Variants in ZNF675 observed in about 807,000 individuals in gnomAD.
The protein encoded by ZNF675 is TRAF6 inhibitory zinc finger.
ZNF675 carries 36 observed loss-of-function variants against 56.1 expected under a neutral mutation model. The observed-to-expected ratio is 0.64, with a 90% CI of 0.49 to 0.85. The LOEUF (loss-of-function observed/expected upper bound fraction) is 0.85, where lower values mean the gene tolerates loss of function less well. Among genes scored for constraint, ZNF675 ranks in the 40% least tolerant of loss-of-function variants. ZNF675 has a pLI of 0.00. For missense variants in ZNF675, 663 were observed against 654.2 expected (o/e 1.01, Z -0.15); for synonymous variants, 200 against 218.9 (o/e 0.91, Z 0.76).
chr19:23,661,477 G>GGCAA, intron 3 of ZNF675, among the ~76,000 whole-genome samples: 1 of 151,734 alleles, frequency 6.6e-6, no homozygotes, highest in African/African-American at 2.4e-5. Context: ...AATGACCTGA[G>GGCAA]GGCAGGAGTT....
At chr19:23,661,171 T>TTTATCTCTG (rs985413880) in intron 3 of ZNF675, among the ~76,000 whole-genome samples, 4 of 152,002 alleles carry the variant, frequency 2.6e-5, no homozygotes, top group African/African-American at 9.7e-5. Flanking sequence ...AAAAGAAAGA[T>TTTATCTCTG]TTATCTCTGT....
At chr19:23,657,962 A>C (rs1968009793) in intron 3 of ZNF675, among the ~76,000 whole-genome samples, 1 of 152,150 alleles carries the variant, frequency 6.6e-6, no homozygotes, top group Non-Finnish European at 1.5e-5. Context: ...AAAAACAATA[A>C]ACAGATGTCA....
At position 23,653,137 on chromosome 19, in the gene ZNF675, C is replaced by A; in HGVS notation, c.*89G>T. The stretch of plus-strand genomic sequence containing the variant: ...ATGAAGTGTGAAAACCATTTAAAGT[C>A]TTTGACACATTCTTTACATTTCTAG... On this transcript the variant is annotated 3_prime_UTR_variant, in exon 4 of 4. Transcript: ENST00000359788. 8.1e-7 allele frequency: 1 copy of A among 1,239,254 alleles called. No homozygotes were observed. Among genetic ancestry groups the A allele is most frequent in the East Asian group, 2.4e-5 (1 of 42,126 alleles). 76.8% of individuals were successfully genotyped at this position (1,239,254 alleles called of 1,614,324 possible). A position where few individuals can be genotyped will look rare whatever the true frequency, so the allele number is the denominator to read the frequency against.
chr19:23,685,165 A>G (rs1412383284), intron 1 of ZNF675, among the ~76,000 whole-genome samples: 2 of 152,128 alleles, frequency 1.3e-5, no homozygotes, highest in African/African-American at 4.8e-5. Flanking sequence ...GGGTTTCACC[A>G]TGTTAGTCAG....
intron 1 of ZNF675, among the ~76,000 whole-genome samples, chr19:23,666,812 C>T (rs1382320165): frequency 6.6e-6 from 1 of 151,248 alleles, no homozygotes; most frequent in Non-Finnish European, 1.5e-5. Flanking sequence ...CTCCTCCCCT[C>T]CCCCCAACCC....
Position 23,665,698 on chromosome 19 carries a change from C to G in ZNF675, c.4-2540G>C, listed in dbSNP as rs188116616. On this transcript the variant is annotated intron_variant, in intron 1 of 3. Coordinates refer to ENST00000359788, the MANE Select transcript of ZNF675 (RefSeq NM_138330.3). Reference sequence around the variant, plus strand: ...ATTTTAAGTAGAGGCAGGGTTTCACCATGTCGGTCAGGCTGGTCTCAAACT... The same window carrying G: ...ATTTTAAGTAGAGGCAGGGTTTCACGATGTCGGTCAGGCTGGTCTCAAACT... Among the ~76,000 whole-genome samples, 28 of 152,182 alleles carry G rather than the reference C, an allele frequency of 1.8e-4. No homozygotes were observed. In the East Asian group the frequency reaches 5.1e-3, roughly 28 times the overall value.
chr19:23,686,842 G>A (rs1462141742), intron 1 of ZNF675, among the ~76,000 whole-genome samples, 189 bp downstream of exon 1: 1 of 152,204 alleles, frequency 6.6e-6, no homozygotes, highest in Non-Finnish European at 1.5e-5. Flanking sequence ...GAGACGGGAT[G>A]CCCCGGGGCT....
intron 3 of ZNF675, chr19:23,654,944 A>G (rs1206805664): frequency 1.2e-5 from 4 of 335,518 alleles, no homozygotes; most frequent in South Asian, 9.5e-5. Context: ...TGTTTTCAGA[A>G]GTAAATTACA....
chr19:23,658,384 AAAAAC>A (rs1968016684), intron 3 of ZNF675: 1 of 152,006 alleles, frequency 6.6e-6, no homozygotes, highest in African/African-American at 2.4e-5. Flanking sequence ...AAAAAAAACA[AAAAAC>A]AAAGACAATT....
chr19:23,653,081 G>A lies in ZNF675; in HGVS notation c.*145C>T, dbSNP rs974774478. ...TATTGCCAAATTCTTCACACTTGTA[G>A]TTTTCTCCAGTATGAATTATCTTAC... On this transcript the variant is annotated 3_prime_UTR_variant, in exon 4 of 4. Coordinates refer to ENST00000359788, the MANE Select transcript of ZNF675 (RefSeq NM_138330.3). 5.1e-6 allele frequency: 4 copies of A among 784,538 alleles called. No homozygotes were observed. Among genetic ancestry groups the A allele is most frequent in the African/African-American group, 3.5e-5 (2 of 57,404 alleles). 48.6% of individuals were successfully genotyped at this position (784,538 alleles called of 1,614,324 possible).
intron 3 of ZNF675, among the ~76,000 whole-genome samples, chr19:23,657,578 G>C (rs1213047389): frequency 6.6e-6 from 1 of 152,092 alleles, no homozygotes; most frequent in Admixed American, 6.6e-5. Flanking sequence ...TTAGCTGGGC[G>C]TGGTGGCGCA....
chr19:23,659,574 CAGAG>C (rs1013982783), intron 3 of ZNF675, among the ~76,000 whole-genome samples: 10 of 152,188 alleles, frequency 6.6e-5, no homozygotes, highest in South Asian at 6.2e-4. Context: ...CTTTGAGATC[CAGAG>C]AGAGAGGGAG....
intron 3 of ZNF675, among the ~76,000 whole-genome samples, chr19:23,661,373 A>T (rs1393940979): frequency 1.4e-5 from 2 of 142,068 alleles, no homozygotes; most frequent in African/African-American, 5.3e-5. Context: ...AGAAATACAA[A>T]CAAGTAAAAT....
rs1967940231 is a variant in ZNF675 at position 23,653,641 on chromosome 19, T to C, written c.1292A>G (p.Lys431Arg). The change falls in exon 4 of 4, where the codon AAA becomes AGA. Residue 431 changes from lysine to arginine, a missense_variant. This residue lies in a region of ZNF675 where 617 missense variants were observed against 590.5 expected (regional missense o/e 1.04). Coordinates refer to ENST00000359788, the MANE Select transcript of ZNF675 (RefSeq NM_138330.3). ...EKPYKCEECG[K>R]AFNRSSKLTE... Reference sequence around the variant, plus strand: ...AAGTTTTGAGGATCGGTTAAAAGCTTTGCCACATTCTTCACATTTGTAGGG... The same window carrying C: ...AAGTTTTGAGGATCGGTTAAAAGCTCTGCCACATTCTTCACATTTGTAGGG... 1.2e-6 allele frequency: 2 copies of C among 1,613,830 alleles called. No individual in the cohort carries two copies. The highest frequency in any genetic ancestry group is 1.7e-6 in the Non-Finnish European group (2 of 1,179,992).
intron 1 of ZNF675, among the ~76,000 whole-genome samples, chr19:23,682,198 C>G (rs1296886006): frequency 1.3e-5 from 2 of 151,694 alleles, no homozygotes; most frequent in Non-Finnish European, 1.5e-5. Flanking sequence ...AACATACAAC[C>G]CCATTTTATG....
chr19:23,666,361 TGCTTCA>T (rs1490300739), intron 1 of ZNF675, among the ~76,000 whole-genome samples: 1 of 152,216 alleles, frequency 6.6e-6, no homozygotes, highest in African/African-American at 2.4e-5. Flanking sequence ...TTTTTAACTT[TGCTTCA>T]GCATCTGATT....
chr19:23,678,110 A>T (rs1172925518), intron 1 of ZNF675, among the ~76,000 whole-genome samples: 1 of 151,710 alleles, frequency 6.6e-6, no homozygotes, highest in African/African-American at 2.4e-5. Flanking sequence ...AACAAGAGTA[A>T]AACTGTCTTG....
intron 3 of ZNF675, among the ~76,000 whole-genome samples, chr19:23,659,378 C>A (rs1968046285): frequency 6.6e-6 from 1 of 152,100 alleles, no homozygotes; most frequent in Non-Finnish European, 1.5e-5. Context: ...TCCTGCACAG[C>A]AAGACAATTT....
At chr19:23,686,119 G>A (rs1968020) in intron 1 of ZNF675, 147,861 of 152,258 alleles carry the variant, frequency 0.97, 71,959 homozygotes, top group Middle Eastern at 1. Context: ...AATTGTACAA[G>A]TCAAGTAACT....
Sources: allele counts gnomAD v4.1 joint callset (sites outside exome capture counted in the v4.1 genomes callset), GRCh38; gene constraint gnomAD v4.1.1; regional missense constraint gnomAD v4.1.1; transcripts MANE v1.5; gene names NCBI Gene and HGNC (gene_info 2026-07-23, HGNC 2026-07-21).